The following SRPK2 variants were observed in gnomAD, a reference collection of about 807,000 sequenced individuals.
SRPK2 encodes the protein SRSF protein kinase 2, also known as SFRS protein kinase 2.
In SRPK2, 21 loss-of-function variants were observed where a neutral mutation model predicts 90.8. The ratio of observed to expected loss-of-function variants is 0.23; its 90% CI spans 0.16 to 0.33. SRPK2 has a LOEUF of 0.33. Ranked by LOEUF, SRPK2 falls within the 10% of genes least tolerant of loss-of-function variation. SRPK2 has a pLI of 1.00. For missense variants in SRPK2, 620 were observed against 869.0 expected (o/e 0.71, Z 3.60); for synonymous variants, 288 against 311.1 (o/e 0.93, Z 0.78).
chr7:105,335,504 T>G (rs1476445301), intron 2 of SRPK2, among the ~76,000 whole-genome samples: 1 of 151,106 alleles, frequency 6.6e-6, no homozygotes, highest in Non-Finnish European at 1.5e-5. Context: ...TACAAAACAT[T>G]TTCAAAATTG....
intron 2 of SRPK2, among the ~76,000 whole-genome samples, chr7:105,223,952 C>T (rs1435232944): frequency 6.6e-6 from 1 of 152,140 alleles, no homozygotes; most frequent in African/African-American, 2.4e-5. Context: ...AAGGAGCAGG[C>T]TATGCATATC....
At chr7:105,268,963 C>G (rs1016143424) in intron 2 of SRPK2, 24 of 1,436,256 alleles carry the variant, frequency 1.7e-5, no homozygotes, top group Non-Finnish European at 2.2e-5. Context: ...CCCTTTTGTT[C>G]AGAATGAGGC....
chr7:105,296,661 T>C (rs916531512), intron 2 of SRPK2, among the ~76,000 whole-genome samples: 16 of 152,188 alleles, frequency 1.1e-4, no homozygotes, highest in Admixed American at 6.5e-5. Context: ...AAAGGAGAGA[T>C]GGCATCATAG....
chr7:105,320,565 C>CATAAAA (rs1382785202), intron 2 of SRPK2, among the ~76,000 whole-genome samples: 1 of 152,022 alleles, frequency 6.6e-6, no homozygotes, highest in Non-Finnish European at 1.5e-5. Context: ...TAAGGCGACC[C>CATAAAA]ATAAAAATAA....
At chr7:105,122,502 A>C (rs899387387) in intron 15 of SRPK2, among the ~76,000 whole-genome samples, 1 of 152,216 alleles carries the variant, frequency 6.6e-6, no homozygotes, top group Non-Finnish European at 1.5e-5. Context: ...GTAGCTGTCA[A>C]ATGCCCACGA....
At chr7:105,178,095 C>T (rs1316603142) in intron 3 of SRPK2, among the ~76,000 whole-genome samples, 1 of 151,524 alleles carries the variant, frequency 6.6e-6, no homozygotes, top group African/African-American at 2.4e-5. Context: ...ATTCCCTGAG[C>T]TGTGAAGAAA....
At position 105,117,864 on chromosome 7, in the gene SRPK2, G is replaced by A. The variant is rs1050430; in HGVS notation, c.2074C>T (p.Leu692Phe). ...PEKRASAGEC[L>F]RHPWLNS ...TAAGAATTCAACCAAGGATGCCGAA[G>A]GCATTCGCCAGCTGAGGCTCGTTTT... is the stretch of plus-strand genomic sequence containing the variant. The change falls in exon 16 of 16, where the codon CTT becomes TTT. Residue 692 changes from leucine to phenylalanine, a missense_variant. Coordinates refer to ENST00000393651, the MANE Select transcript of SRPK2 (RefSeq NM_182692.3). 1.2e-6 allele frequency: 2 copies of A among 1,613,096 alleles called. No homozygotes were observed. Among genetic ancestry groups the A allele is most frequent in the South Asian group, 2.2e-5 (2 of 91,038 alleles).
chr7:105,320,892 G>A (rs1027958342), intron 2 of SRPK2, among the ~76,000 whole-genome samples: 2 of 152,170 alleles, frequency 1.3e-5, no homozygotes, highest in Non-Finnish European at 2.9e-5. Flanking sequence ...GAATGGCGGT[G>A]TGATCATAGC....
intron 2 of SRPK2, among the ~76,000 whole-genome samples, chr7:105,385,170 C>CA (rs1563318568): frequency 7.1e-5 from 6 of 84,832 alleles, no homozygotes; most frequent in Admixed American, 4.6e-4. Context: ...CCGCGCCCGG[C>CA]ATTTTTTTTT....
At chr7:105,152,430 G>A (rs890276383) in intron 7 of SRPK2, among the ~76,000 whole-genome samples, 6 of 152,232 alleles carry the variant, frequency 3.9e-5, no homozygotes, top group Admixed American at 6.5e-5. Flanking sequence ...GATTACAGGC[G>A]TGAGCCACCA....
At chr7:105,299,639 T>G (rs767572162) in intron 2 of SRPK2, among the ~76,000 whole-genome samples, 2 of 152,202 alleles carry the variant, frequency 1.3e-5, no homozygotes, top group African/African-American at 2.4e-5. Context: ...ACACCTGTAA[T>G]CCCAGCACTT....
chr7:105,387,807 G>A (rs1821797950), intron 2 of SRPK2, among the ~76,000 whole-genome samples: 1 of 152,214 alleles, frequency 6.6e-6, no homozygotes, highest in South Asian at 2.1e-4. Flanking sequence ...AGTGGAAAAG[G>A]AGAAGACGCG....
At position 105,170,979 on chromosome 7, in the gene SRPK2, G is replaced by A. The variant is rs868677364; in HGVS notation, c.230-1714C>T. Among the ~76,000 whole-genome samples the A allele has an allele frequency of 4.8e-3, 490 of 102,428 alleles. 28 individuals carry two copies. Among genetic ancestry groups the A allele is most frequent in the Non-Finnish European group, 6.1e-3 (307 of 50,434 alleles). The allele number at this position is 102,428 out of a possible 152,430, so 67.2% of individuals were successfully genotyped here. On this transcript the variant is annotated intron_variant, in intron 3 of 15. Transcript: ENST00000393651. Reference sequence around the variant, plus strand: ...AGAAAGAAAGAAAGAGAAAGAAAGAGAAAGAAAGAAAGAAAGAGAAAGAAA... The same window carrying A: ...AGAAAGAAAGAAAGAGAAAGAAAGAAAAAGAAAGAAAGAAAGAGAAAGAAA...
At chr7:105,198,159 T>C (rs1400412167) in intron 3 of SRPK2, among the ~76,000 whole-genome samples, 1 of 152,328 alleles carries the variant, frequency 6.6e-6, no homozygotes, top group South Asian at 2.1e-4. Context: ...TAGTGTTCAA[T>C]GTGCAGAAAA....
intron 2 of SRPK2, among the ~76,000 whole-genome samples, chr7:105,224,261 A>G (rs1289425775): frequency 6.6e-6 from 1 of 152,210 alleles, no homozygotes; most frequent in Admixed American, 6.5e-5. Context: ...AGGTCATACA[A>G]TAAGACTTTT....
intron 2 of SRPK2, among the ~76,000 whole-genome samples, chr7:105,276,975 C>T (rs931454839): frequency 6.6e-6 from 1 of 152,128 alleles, no homozygotes; most frequent in Non-Finnish European, 1.5e-5. Context: ...ACTTCTCCTG[C>T]CACTACCAAT....
intron 2 of SRPK2, among the ~76,000 whole-genome samples, chr7:105,356,550 T>TTAGCTATTTTTTG (rs1407530572): frequency 6.6e-6 from 1 of 152,198 alleles, no homozygotes; most frequent in Non-Finnish European, 1.5e-5. Flanking sequence ...ACTCACTATA[T>TTAGCTATTTTTTG]TAGCTATTTT....
intron 2 of SRPK2, among the ~76,000 whole-genome samples, chr7:105,279,631 A>G (rs192840435): frequency 6.6e-6 from 1 of 152,372 alleles, no homozygotes; most frequent in South Asian, 2.1e-4. Context: ...GTTTCGGTAT[A>G]AAATTTGAGA....
At chr7:105,189,397 C>T in intron 3 of SRPK2, 1 of 161,778 alleles carries the variant, frequency 6.2e-6, no homozygotes, top group South Asian at 1.6e-4. Flanking sequence ...CCTGCTCCAG[C>T]AGCTGCTGCT....
Sources: gnomAD v4.1 joint callset for allele counts (sites outside exome capture counted in the v4.1 genomes callset) on GRCh38, gnomAD v4.1.1 for gene constraint, MANE v1.5 for transcripts, NCBI Gene and HGNC (gene_info 2026-07-23, HGNC 2026-07-21) for gene names.